The following DBN1 variants were observed in gnomAD, a reference collection of about 807,000 sequenced individuals.
The protein encoded by DBN1 is drebrin.
A neutral mutation model predicts 83.5 loss-of-function variants in DBN1; 21 were observed. That is an observed-to-expected ratio of 0.25 (90% CI 0.18 to 0.36). DBN1 has a LOEUF of 0.36. DBN1 is among the 10% of genes least tolerant of loss of function. The probability of loss-of-function intolerance (pLI) is 1.00; values close to 1 mark genes in which losing one functional copy is unlikely to be tolerated. For synonymous variants in DBN1, 381 were observed against 384.9 expected, an observed-to-expected ratio of 0.99 and a Z score of 0.12; for missense variants, 874 against 935.7, an observed-to-expected ratio of 0.93 and a Z score of 0.86.
In DBN1 at chr5:177,467,993, TA is replaced by T; in HGVS notation, c.255+114del. On this transcript the variant is annotated intron_variant, in intron 3 of 14. Transcript: ENST00000393565. The surrounding 1 kb of genome is among the most constrained non-coding windows in gnomAD (Gnocchi z 9.1). ...GTTCCCTTCCCCAGCCCCGGCCGCA[TA>T]CCCAGTTGATGAGCAGCTCTGGGCC... The T allele has an allele frequency of 5.7e-5, 56 of 980,508 alleles. No individual in the cohort carries two copies. Among genetic ancestry groups the T allele is most frequent in the Middle Eastern group, 3.4e-4 (1 of 2,910 alleles). 60.7% of individuals were successfully genotyped at this position (980,508 alleles called of 1,614,324 possible).
rs112618456 is a variant in DBN1 at position 177,459,234 on chromosome 5, G to T, written c.1128C>A (p.Pro376=). The T allele has an allele frequency of 5.8e-5, 94 of 1,610,666 alleles. 3 individuals are homozygous for T. The African/African-American group carries it at 9.6e-4, about 16-fold the overall frequency. ...ACGGGCTCCGCGTGGGGATGGGAGT[G>T]GGCGCCATCCTCCGGTGGCTGTCCA... is the stretch of plus-strand genomic sequence containing the variant. ...SHLDSHRRMA[P]TPIPTRSPSD... Residue 376 remains proline (P), a synonymous_variant, in exon 12 of 15, where the codon CCC becomes CCA. Coordinates refer to ENST00000393565, the MANE Select transcript of DBN1 (RefSeq NM_001363541.2).
intron 1 of DBN1, among the ~76,000 whole-genome samples, chr5:177,470,000 G>T (rs574391939): frequency 6.6e-6 from 1 of 152,216 alleles, no homozygotes; most frequent in African/African-American, 2.4e-5. Context: ...CAGGAGAGGA[G>T]GAAGAAGAGA....
In DBN1 at chr5:177,466,660, C is replaced by T; in HGVS notation, c.771+112G>A. The T allele has an allele frequency of 1.6e-6, 2 of 1,270,224 alleles. No individual in the cohort carries two copies. 78.7% of individuals were successfully genotyped at this position (1,270,224 alleles called of 1,614,324 possible). ...GGCACCCTGTGCCCATGCAGCTCCC[C>T]AGAACAGCCACCACTGTCCCTGAGC... On this transcript the variant is annotated intron_variant, in intron 8 of 14. Coordinates refer to ENST00000393565, the MANE Select transcript of DBN1 (RefSeq NM_001363541.2). This position sits in a 1 kb window ranked among gnomAD's most constrained non-coding sequence, Gnocchi z 4.8.
At chr5:177,457,892 A>C in intron 13 of DBN1, 135 bp from the exon 14 acceptor site, 1 of 1,144,132 alleles carries the variant, frequency 8.7e-7, no homozygotes, top group Non-Finnish European at 1.3e-6. Flanking sequence ...CTGCCTTGGG[A>C]ACAAAAGCAG....
At chr5:177,470,215 G>A (rs1031855164) in intron 1 of DBN1, among the ~76,000 whole-genome samples, 4 of 152,178 alleles carry the variant, frequency 2.6e-5, no homozygotes, top group South Asian at 2.1e-4. Context: ...GGCCCTGACA[G>A]ATGCTTCCAG....
intron 10 of DBN1, 53 bp from the exon 11 acceptor site, chr5:177,459,793 T>G (rs1756878229): frequency 7.1e-7 from 1 of 1,406,820 alleles, no homozygotes; most frequent in Non-Finnish European, 9.3e-7. Flanking sequence ...AGGGTCAGTC[T>G]CCCCCACCCC....
intron 1 of DBN1, chr5:177,472,485 C>T: frequency 8.8e-7 from 1 of 1,139,696 alleles, no homozygotes; most frequent in Non-Finnish European, 1.1e-6. Flanking sequence ...CCACCCTGGG[C>T]CGCCAGCCCC....
intron 11 of DBN1, 30 bp downstream of exon 11, chr5:177,459,572 AC>A: frequency 1.4e-6 from 2 of 1,463,008 alleles, no homozygotes; most frequent in Admixed American, 2.5e-5. Flanking sequence ...CCTCCTTACC[AC>A]CCCCGCCGAG....
In DBN1 at chr5:177,473,592, A is replaced by G; in HGVS notation, c.-71T>C. ...GGCGGACGGAGGAGGAGGGAGGGAA[A>G]GAGGGAGTCGCCGCCGCCGCCTCGG... On this transcript the variant is annotated 5_prime_UTR_variant, in exon 1 of 15. Coordinates refer to ENST00000393565, the MANE Select transcript of DBN1 (RefSeq NM_001363541.2). 1.1e-6 allele frequency: 1 copy of G among 898,910 alleles called. No homozygotes were observed. Among genetic ancestry groups the G allele is most frequent in the Non-Finnish European group, 1.4e-6 (1 of 728,078 alleles). 55.7% of individuals were successfully genotyped at this position (898,910 alleles called of 1,614,324 possible). A position where few individuals can be genotyped will look rare whatever the true frequency, so the allele number is the denominator to read the frequency against.
At chr5:177,457,901 A>T in intron 13 of DBN1, 144 bp from the exon 14 acceptor site, 1 of 895,228 alleles carries the variant, frequency 1.1e-6, no homozygotes, top group South Asian at 1.4e-5. Flanking sequence ...GAACAAAAGC[A>T]GAGCCGGCCC....
intron 14 of DBN1, 25 bp downstream of exon 14, chr5:177,457,630 T>TC (rs1319109325): frequency 2.5e-5 from 38 of 1,548,908 alleles, no homozygotes; most frequent in Non-Finnish European, 3.4e-5. Flanking sequence ...CCCAAATTCC[T>TC]CCCCATCATC....
intron 1 of DBN1, among the ~76,000 whole-genome samples, chr5:177,469,851 G>A (rs554061430): frequency 6.6e-6 from 1 of 152,220 alleles, no homozygotes; most frequent in Non-Finnish European, 1.5e-5. Context: ...TGTCCCTGAA[G>A]TTTGAAAGGG....
chr5:177,468,779 T>C (rs1757643892), intron 2 of DBN1, 65 bp downstream of exon 2: 1 of 1,151,658 alleles, frequency 8.7e-7, no homozygotes, highest in Non-Finnish European at 1.1e-6. Context: ...GCCAGGTGGG[T>C]GGGGAAGAAA....
Position 177,473,445 on chromosome 5 carries a change from G to A in DBN1, c.77C>T (p.Ala26Val), listed in dbSNP as rs757820991. 2.1e-6 allele frequency: 3 copies of A among 1,428,054 alleles called. No homozygotes were observed. The South Asian group carries it at 4.1e-5, about 19-fold the overall frequency. 88.5% of individuals were successfully genotyped at this position (1,428,054 alleles called of 1,614,324 possible). A position where few individuals can be genotyped will look rare whatever the true frequency, so the allele number is the denominator to read the frequency against. ...AYEEVIREESAADWALYTYED... is the reference protein window; with the variant it reads ...AYEEVIREESVADWALYTYED... ...GGGGCGGGGGGCTCACCAGTCGGCC[G>A]CGCTCTCCTCTCGGATCACCTCCTC... Residue 26 changes from alanine (A) to valine (V), a missense_variant, in exon 1 of 15, where the codon GCG becomes GTG. Coordinates refer to ENST00000393565, the MANE Select transcript of DBN1 (RefSeq NM_001363541.2).
intron 11 of DBN1, 115 bp from the exon 12 acceptor site, chr5:177,459,383 G>C (rs781411729): frequency 1.2e-5 from 18 of 1,478,902 alleles, no homozygotes; most frequent in Admixed American, 5.3e-5. Flanking sequence ...GGGGCTGGGA[G>C]CTCTCCAGCC....
chr5:177,473,561 C>A lies in DBN1; in HGVS notation c.-40G>T. On this transcript the variant is annotated 5_prime_UTR_variant, in exon 1 of 15. Transcript: ENST00000393565. ...CGGGCCGAACGGACAGACGCGCGGA[C>A]GGACGGGCGGACGGAGGAGGAGGGA... is the stretch of plus-strand genomic sequence containing the variant. 8.5e-7 allele frequency: 1 copy of A among 1,174,490 alleles called. No individual in the cohort carries two copies. Among genetic ancestry groups the A allele is most frequent in the Non-Finnish European group, 1.1e-6 (1 of 926,590 alleles). The allele number at this position is 1,174,490 out of a possible 1,614,324, so 72.8% of individuals were successfully genotyped here. A position where few individuals can be genotyped will look rare whatever the true frequency, so the allele number is the denominator to read the frequency against.
intron 11 of DBN1, 34 bp downstream of exon 11, chr5:177,459,569 A>G: frequency 6.8e-7 from 1 of 1,463,918 alleles, no homozygotes; most frequent in Non-Finnish European, 9.1e-7. Context: ...GGCCCTCCTT[A>G]CCACCCCCGC....
Position 177,459,201 on chromosome 5 carries a change from G to A in DBN1, c.1161C>T (p.Ser387=). Reference sequence around the variant, plus strand: ...CAGCGACAGGGGTGGAGGCGGTGCTGGAGTCAGACGGGCTCCGCGTGGGGA... The same window carrying A: ...CAGCGACAGGGGTGGAGGCGGTGCTAGAGTCAGACGGGCTCCGCGTGGGGA... ...TPIPTRSPSD[S]STASTPVAEQ... is the part of the protein sequence containing the mutation. Residue 387 remains serine (S), a synonymous_variant, in exon 12 of 15, where the codon TCC becomes TCT. Transcript: ENST00000393565. 6.2e-7 allele frequency: 1 copy of A among 1,611,118 alleles called. No homozygotes were observed. The highest frequency in any genetic ancestry group is 1.3e-5 in the African/African-American group (1 of 74,820).
intron 8 of DBN1, among the ~76,000 whole-genome samples, chr5:177,463,437 C>A (rs1757189642): frequency 6.6e-6 from 1 of 152,226 alleles, no homozygotes; most frequent in Non-Finnish European, 1.5e-5. Flanking sequence ...TGGGTCAAAG[C>A]CACTGCTGTG....
Sources: gnomAD v4.1 joint callset for allele counts (sites outside exome capture counted in the v4.1 genomes callset) on GRCh38, gnomAD v4.1.1 for gene constraint, Gnocchi (gnomAD v3.1) non-coding constraint, MANE v1.5 for transcripts, NCBI Gene and HGNC (gene_info 2026-07-23, HGNC 2026-07-21) for gene names.